Variants in COL12A1 observed in about 807,000 individuals in gnomAD.
COL12A1 encodes collagen type XII alpha 1 chain.
COL12A1 carries 114 observed loss-of-function variants against 349.7 expected under a neutral mutation model. The observed-to-expected ratio is 0.33, with a 90% CI of 0.28 to 0.38. COL12A1 has a LOEUF of 0.38. COL12A1 is among the 10% of genes least tolerant of loss of function. COL12A1 has a pLI of 1.00. For missense variants in COL12A1, 3,284 were observed against 3,756.9 expected, an observed-to-expected ratio of 0.87 and a Z score of 3.29; for synonymous variants, 1,369 against 1,329.0, an observed-to-expected ratio of 1.03 and a Z score of -0.66.
At chr6:75,192,761 A>T (rs56131181) in intron 3 of COL12A1, among the ~76,000 whole-genome samples, 3 of 152,120 alleles carry the variant, frequency 2.0e-5, no homozygotes, top group African/African-American at 7.2e-5. Context: ...GAGAAATAAG[A>T]GATGAAAATA....
rs941358850 is a variant in COL12A1, at chr6:75,192,302, A to C, written c.244T>G (p.Ser82Ala). Reference protein sequence around the residue: ...LSASTTETLLSELVPETEYVV... With the variant: ...LSASTTETLLAELVPETEYVV... The stretch of plus-strand genomic sequence containing the variant: ...TACTCTGTTTCAGGTACAAGTTCTG[A>C]CAATAAAGTTTCAGTGGTACTAGCT... The change falls in exon 4 of 66, where the codon TCA becomes GCA. Residue 82 changes from serine to alanine, a missense_variant. Ser to Ala is a moderately conservative substitution (Grantham distance 99, BLOSUM62 1). Transcript: ENST00000322507. 10 of 1,611,900 alleles carry C rather than the reference A, an allele frequency of 6.2e-6. No homozygotes were observed. In the Admixed American group the frequency reaches 6.7e-5, roughly 11 times the overall value.
chr6:75,163,011 A>G (rs1768102718), intron 14 of COL12A1, among the ~76,000 whole-genome samples: 1 of 152,220 alleles, frequency 6.6e-6, no homozygotes, highest in South Asian at 2.1e-4. Flanking sequence ...GTCAGGAAAC[A>G]ACAGATGCTG....
intron 12 of COL12A1, 124 bp from the exon 13 acceptor site, chr6:75,175,434 A>G: frequency 1.7e-6 from 2 of 1,144,526 alleles, no homozygotes; most frequent in South Asian, 1.6e-5. Context: ...AGACTATGAC[A>G]ATTTTAACTG....
chr6:75,133,164 T>C (rs1314015407), intron 34 of COL12A1, 129 bp downstream of exon 34: 14 of 782,254 alleles, frequency 1.8e-5, no homozygotes, highest in Non-Finnish European at 2.6e-5. Context: ...AGGTAAACTA[T>C]GGCTAATTTT....
intron 6 of COL12A1, 82 bp downstream of exon 6, chr6:75,189,470 A>G: frequency 6.4e-7 from 1 of 1,570,570 alleles, no homozygotes; most frequent in East Asian, 2.2e-5. Flanking sequence ...AAAATATTTA[A>G]TATGTAATAG....
chr6:75,116,450 C>T (rs1478208738), intron 47 of COL12A1, among the ~76,000 whole-genome samples: 1 of 152,112 alleles, frequency 6.6e-6, no homozygotes, highest in Non-Finnish European at 1.5e-5. Context: ...AGTCTCCAAG[C>T]CTCACACTGG....
At chr6:75,179,006 T>C (rs1016348243) in intron 11 of COL12A1, among the ~76,000 whole-genome samples, 1 of 152,182 alleles carries the variant, frequency 6.6e-6, no homozygotes, top group Non-Finnish European at 1.5e-5. Context: ...TTAACAGATA[T>C]GTAATTCTGA....
rs768127770 is a variant in COL12A1 at position 75,165,777 on chromosome 6, G to A, written c.2713C>T (p.Arg905Cys). 40 of 1,610,588 alleles carry A rather than the reference G, an allele frequency of 2.5e-5. No homozygotes were observed. The highest frequency in any genetic ancestry group is 1.5e-4 in the South Asian group (14 of 90,460). The change falls in exon 14 of 66, where the codon CGT (arginine) becomes TGT (cysteine). Residue 905 changes from arginine (R) to cysteine (C), a missense_variant and splice_region_variant. Physicochemically the swap from Arg to Cys is radical, Grantham distance 180. Transcript: ENST00000322507. ...GTAACTAAATCTTGAGGAGAACCAC[G>A]TTCTAGAACAGAAATTAAAAGGGAA... ...LFGEGTTLEE[R>C]GSPQDLVTKD...
chr6:75,136,117 G>A (rs929440245), intron 31 of COL12A1, among the ~76,000 whole-genome samples: 1 of 152,116 alleles, frequency 6.6e-6, no homozygotes, highest in Non-Finnish European at 1.5e-5. Context: ...CTTAGGAGAA[G>A]CAGCTGGAAC....
At chr6:75,126,907 GT>G (rs1242354311) in intron 38 of COL12A1, among the ~76,000 whole-genome samples, 1 of 151,956 alleles carries the variant, frequency 6.6e-6, no homozygotes, top group Admixed American at 6.6e-5. Context: ...ACCTAATAAT[GT>G]TTTTTCCCTG....
chr6:75,204,004 A>G (rs240364), intron 1 of COL12A1, among the ~76,000 whole-genome samples: 3,836 of 152,324 alleles, frequency 0.025, 174 homozygotes, highest in African/African-American at 0.087. Flanking sequence ...AATTATTGGC[A>G]CAAAGCATGA....
chr6:75,128,271 A>G, intron 38 of COL12A1, 25 bp downstream of exon 38: 1 of 1,539,758 alleles, frequency 6.5e-7, no homozygotes, highest in Non-Finnish European at 8.7e-7. Context: ...AAGCAAAAAT[A>G]AAAGGGGGAG....
In COL12A1 at chr6:75,165,703, T is replaced by A. The variant is rs780559642; in HGVS notation, c.2787A>T (p.Pro929=). The change falls in exon 14 of 66, where the codon CCA becomes CCT. Residue 929 remains proline (P), a synonymous_variant. Coordinates refer to ENST00000322507, the MANE Select transcript of COL12A1 (RefSeq NM_004370.6). The part of the protein sequence containing the change: ...TSIGAYWTSA[P]GMVRGYRVSW... ...AGACCCTGTAACCGCGAACCATTCC[T>A]GGAGCAGATGTCCAATAAGCCCCAA... The A allele has an allele frequency of 1.6e-5, 26 of 1,613,914 alleles. No homozygotes were observed. The highest frequency in any genetic ancestry group is 2.0e-5 in the Non-Finnish European group (24 of 1,179,928).
At chr6:75,123,456 T>C (rs1041857513) in intron 42 of COL12A1, 52 bp from the exon 43 acceptor site, 6 of 1,376,348 alleles carry the variant, frequency 4.4e-6, no homozygotes, top group Admixed American at 4.7e-5. Context: ...ACATTTGATA[T>C]CCCAGAAAGT....
In COL12A1 at chr6:75,119,112, A is replaced by G. The variant is rs771112990; in HGVS notation, c.7285T>C (p.Leu2429=). ...GACCGACCGTCCGTGACCACAACCA[A>G]CACCTTAGGGACATTCTTCCTCATG... ...SGMRKNVPKV[L]VVVTDGRSQD... is the part of the protein sequence containing the mutation. The change falls in exon 46 of 66, where the codon TTG becomes CTG. Residue 2429 remains leucine, a synonymous_variant. Transcript: ENST00000322507. 7 of 1,613,802 alleles carry G rather than the reference A, an allele frequency of 4.3e-6. No individual in the cohort carries two copies. The highest frequency in any genetic ancestry group is 1.3e-5 in the African/African-American group (1 of 74,890).
intron 27 of COL12A1, among the ~76,000 whole-genome samples, chr6:75,139,479 A>C (rs576386039): frequency 6.6e-6 from 1 of 152,366 alleles, no homozygotes; most frequent in South Asian, 2.1e-4. Flanking sequence ...TGATACCCAA[A>C]GGAAACAGTT....
At chr6:75,186,560 C>A (rs916977761) in intron 8 of COL12A1, among the ~76,000 whole-genome samples, 6 of 152,128 alleles carry the variant, frequency 3.9e-5, no homozygotes, top group Non-Finnish European at 8.8e-5. Context: ...GACAGTGCAG[C>A]AATTCCTCAA....
At chr6:75,182,892 T>C (rs1223215984) in intron 10 of COL12A1, among the ~76,000 whole-genome samples, 158 bp downstream of exon 10, 1 of 152,172 alleles carries the variant, frequency 6.6e-6, no homozygotes, top group Non-Finnish European at 1.5e-5. Flanking sequence ...AAGTCATATC[T>C]CAGAGCTAAG....
intron 55 of COL12A1, 86 bp downstream of exon 55, chr6:75,103,671 A>G: frequency 8.8e-7 from 1 of 1,138,822 alleles, no homozygotes; most frequent in South Asian, 1.3e-5. Context: ...GACTTGCTCA[A>G]GATCACATAC....
Sources: allele counts gnomAD v4.1 joint callset (sites outside exome capture counted in the v4.1 genomes callset), GRCh38; gene constraint gnomAD v4.1.1; transcripts MANE v1.5; gene names NCBI Gene and HGNC (gene_info 2026-07-23, HGNC 2026-07-21).